The following CAMTA1 variants were observed in gnomAD, a reference collection of about 807,000 sequenced individuals.
CAMTA1 encodes the protein calmodulin-binding transcription activator 1.
Under a neutral mutation model 170.9 loss-of-function variants are expected in CAMTA1, and 27 were observed. The ratio of observed to expected loss-of-function variants is 0.16; its 90% CI spans 0.12 to 0.22. The LOEUF (loss-of-function observed/expected upper bound fraction) is 0.22, where lower values mean the gene tolerates loss of function less well. CAMTA1 is among the 10% of genes least tolerant of loss of function. CAMTA1 has a pLI of 1.00. For missense variants in CAMTA1, 1,619 were observed against 2,217.2 expected, an observed-to-expected ratio of 0.73 and a Z score of 5.42; for synonymous variants, 833 against 891.5, an observed-to-expected ratio of 0.93 and a Z score of 1.17.
chr1:7,518,653 C>A (rs6670316), intron 6 of CAMTA1, among the ~76,000 whole-genome samples: 31,327 of 151,814 alleles, frequency 0.21, 4,521 homozygotes, highest in East Asian at 0.46. Context: ...AGGAGAAGGG[C>A]CGGGCTGGCC....
At chr1:7,212,769 T>C (rs1659013863) in intron 4 of CAMTA1, among the ~76,000 whole-genome samples, 2 of 152,206 alleles carry the variant, frequency 1.3e-5, no homozygotes, top group South Asian at 4.1e-4. Context: ...TCCCCTCCCC[T>C]ACACCCTCTT....
intron 3 of CAMTA1, among the ~76,000 whole-genome samples, chr1:6,938,341 C>T (rs1685816389): frequency 6.6e-6 from 1 of 152,016 alleles, no homozygotes; most frequent in African/African-American, 2.4e-5. Flanking sequence ...TGGCTGGGGT[C>T]AGGGCTGGGG....
chr1:7,759,877 C>G (rs928144243), intron 22 of CAMTA1, among the ~76,000 whole-genome samples: 6 of 152,196 alleles, frequency 3.9e-5, no homozygotes, highest in Non-Finnish European at 7.4e-5. Flanking sequence ...TTCCACTTCT[C>G]TAAGACATTT....
At chr1:7,341,580 C>T (rs533855529) in intron 5 of CAMTA1, among the ~76,000 whole-genome samples, 70 of 152,316 alleles carry the variant, frequency 4.6e-4, no homozygotes, top group Middle Eastern at 3.4e-3. Flanking sequence ...CTGCAAATGA[C>T]GACGAAAGCA....
intron 5 of CAMTA1, among the ~76,000 whole-genome samples, chr1:7,436,324 A>T (rs1333509961): frequency 6.6e-6 from 1 of 151,972 alleles, no homozygotes; most frequent in Non-Finnish European, 1.5e-5. Flanking sequence ...CCAGCATGGG[A>T]TTGTTCAGGA....
At chr1:7,273,949 C>G (rs889855926) in intron 5 of CAMTA1, among the ~76,000 whole-genome samples, 3 of 151,844 alleles carry the variant, frequency 2.0e-5, no homozygotes, top group African/African-American at 7.3e-5. Flanking sequence ...ATTGCAAATC[C>G]TAGAGCAAAC....
At chr1:7,379,053 C>T (rs2087070951) in intron 5 of CAMTA1, among the ~76,000 whole-genome samples, 1 of 152,196 alleles carries the variant, frequency 6.6e-6, no homozygotes, top group Admixed American at 6.5e-5. Context: ...TTCTTGAGCA[C>T]CTGATGGTGA....
intron 1 of CAMTA1, among the ~76,000 whole-genome samples, chr1:6,807,355 C>A (rs537712400): frequency 4.6e-5 from 7 of 152,284 alleles, no homozygotes; most frequent in Admixed American, 2.0e-4. Context: ...TCTTTCTGAG[C>A]TTGTTCACAT....
chr1:7,022,463 AG>A (rs1328028865), intron 3 of CAMTA1, among the ~76,000 whole-genome samples: 1 of 152,202 alleles, frequency 6.6e-6, no homozygotes, highest in East Asian at 1.9e-4. Context: ...TAATTAGTCT[AG>A]GATGACATAA....
At chr1:7,714,312 T>G (rs1171578931) in intron 11 of CAMTA1, among the ~76,000 whole-genome samples, 1 of 152,172 alleles carries the variant, frequency 6.6e-6, no homozygotes, top group Non-Finnish European at 1.5e-5. Context: ...CATTCAGATT[T>G]AGAAATCAGC....
At chr1:6,898,523 A>G (rs1469510807) in intron 3 of CAMTA1, among the ~76,000 whole-genome samples, 1 of 152,226 alleles carries the variant, frequency 6.6e-6, no homozygotes, top group South Asian at 2.1e-4. Context: ...ACTATACTCC[A>G]GCCTGGGTGA....
chr1:7,587,858 A>G (rs1359178988), intron 6 of CAMTA1, among the ~76,000 whole-genome samples: 1 of 152,106 alleles, frequency 6.6e-6, no homozygotes, highest in Non-Finnish European at 1.5e-5. Context: ...CAGAGAGAGC[A>G]GACCTGAGAG....
intron 3 of CAMTA1, among the ~76,000 whole-genome samples, chr1:6,947,471 G>T (rs1334502569): frequency 6.6e-6 from 1 of 151,538 alleles, no homozygotes; most frequent in Non-Finnish European, 1.5e-5. Context: ...CACCTTCTCG[G>T]TTCAAGTGAT....
chr1:7,516,771 C>T (rs947356785), intron 6 of CAMTA1, among the ~76,000 whole-genome samples: 1 of 152,162 alleles, frequency 6.6e-6, no homozygotes, highest in African/African-American at 2.4e-5. Flanking sequence ...GAAGAAGGGG[C>T]TCACTGGGAA....
intron 5 of CAMTA1, among the ~76,000 whole-genome samples, chr1:7,441,979 G>A (rs1000059898): frequency 5.3e-5 from 8 of 152,104 alleles, no homozygotes; most frequent in Admixed American, 1.3e-4. Context: ...TGCTCCCTGC[G>A]TAAGTCATCC....
At chr1:7,318,003 C>T (rs918593496) in intron 5 of CAMTA1, among the ~76,000 whole-genome samples, 1 of 152,120 alleles carries the variant, frequency 6.6e-6, no homozygotes, top group Non-Finnish European at 1.5e-5. Context: ...AGGTGCCTTC[C>T]CTATGGATGG....
chr1:7,396,997 G>A (rs1318537679), intron 5 of CAMTA1, among the ~76,000 whole-genome samples: 1 of 152,214 alleles, frequency 6.6e-6, no homozygotes, highest in African/African-American at 2.4e-5. Flanking sequence ...TTGGTATCAG[G>A]GTAATGCCAG....
chr1:7,734,920 A>T (rs2096760050), intron 12 of CAMTA1, among the ~76,000 whole-genome samples: 1 of 152,232 alleles, frequency 6.6e-6, no homozygotes, highest in Admixed American at 6.5e-5. Context: ...GTTAAACATA[A>T]AACTGCTATC....
At chr1:6,785,784 C>T (rs1283448872) in intron 1 of CAMTA1, among the ~76,000 whole-genome samples, 4 of 106,192 alleles carry the variant, frequency 3.8e-5, no homozygotes, top group Non-Finnish European at 7.5e-5. Flanking sequence ...CGGCGGAGCG[C>T]GGCGCCCCAC....
Sources: gnomAD v4.1 joint callset for allele counts (sites outside exome capture counted in the v4.1 genomes callset) on GRCh38, gnomAD v4.1.1 for gene constraint, MANE v1.5 for transcripts, NCBI Gene and HGNC (gene_info 2026-07-23, HGNC 2026-07-21) for gene names.